The following DISP1 variants were observed in gnomAD, a reference collection of about 807,000 sequenced individuals.
DISP1 encodes the protein protein dispatched homolog 1.
Under a neutral mutation model 37.3 loss-of-function variants are expected in DISP1, and 30 were observed. The observed-to-expected ratio is 0.80, with a 90% CI of 0.60 to 1.09. The LOEUF (loss-of-function observed/expected upper bound fraction) is 1.09, where lower values mean the gene tolerates loss of function less well. DISP1 is among the 50% of genes least tolerant of loss of function. The pLI is 0.00. For missense variants in DISP1, 1,598 were observed against 1,879.5 expected (o/e 0.85, Z 2.77); for synonymous variants, 634 against 690.2 (o/e 0.92, Z 1.28).
intron 3 of DISP1, 183 bp downstream of exon 3, chr1:222,943,515 T>A (rs1455548386): frequency 1.7e-5 from 13 of 745,008 alleles, no homozygotes; most frequent in Non-Finnish European, 2.8e-5. Context: ...GTATATCGAT[T>A]TTATCCACTG....
chr1:222,951,470 C>CAGGGGTAAAA (rs71178515), intron 3 of DISP1, among the ~76,000 whole-genome samples: 1 of 152,170 alleles, frequency 6.6e-6, no homozygotes, highest in African/African-American at 2.4e-5. Flanking sequence ...CCATGACATC[C>CAGGGGTAAAA]TTTCCCCTCT....
chr1:222,840,075 A>G (rs1259530037), intron 1 of DISP1, among the ~76,000 whole-genome samples: 1 of 152,208 alleles, frequency 6.6e-6, no homozygotes, highest in Admixed American at 6.5e-5. Context: ...TGAATACTTT[A>G]TGTAATTTAT....
At chr1:222,940,977 GCTT>G (rs1310364852) in intron 2 of DISP1, among the ~76,000 whole-genome samples, 54 of 152,172 alleles carry the variant, frequency 3.5e-4, no homozygotes, top group African/African-American at 1.2e-3. Flanking sequence ...AACGTCCAGT[GCTT>G]CTTTAAATGT....
chr1:222,833,761 GTA>G (rs1267275638), intron 1 of DISP1, among the ~76,000 whole-genome samples: 1 of 152,168 alleles, frequency 6.6e-6, no homozygotes, highest in Non-Finnish European at 1.5e-5. Flanking sequence ...GAGACTTTTA[GTA>G]TAGTAGATTT....
intron 1 of DISP1, among the ~76,000 whole-genome samples, chr1:222,914,227 G>A (rs1481012539): frequency 5.3e-5 from 8 of 152,030 alleles, no homozygotes; most frequent in Admixed American, 5.2e-4. Flanking sequence ...TTCAAATATA[G>A]TACTTAAATC....
chr1:222,905,879 G>A (rs1482240609), intron 1 of DISP1, among the ~76,000 whole-genome samples: 2 of 146,156 alleles, frequency 1.4e-5, no homozygotes, highest in African/African-American at 4.9e-5. Context: ...AGGTCTTTGA[G>A]GATTTACTCA....
chr1:222,947,754 G>C (rs976568228), intron 3 of DISP1, among the ~76,000 whole-genome samples: 1 of 151,612 alleles, frequency 6.6e-6, no homozygotes, highest in Non-Finnish European at 1.5e-5. Context: ...ATTGATGTGA[G>C]ATTATAAATT....
rs760566329 is a variant in DISP1, at chr1:222,992,096, T to G, written c.875T>G (p.Phe292Cys). 1.9e-6 allele frequency: 3 copies of G among 1,613,482 alleles called. No homozygotes were observed. Among genetic ancestry groups the G allele is most frequent in the Non-Finnish European group, 2.5e-6 (3 of 1,179,428 alleles). Residue 292 changes from phenylalanine to cysteine, a missense_variant, in exon 7 of 9, where the codon TTC (phenylalanine) becomes TGC (cysteine). By Grantham distance (205) the Phe-to-Cys change is radical. Coordinates refer to ENST00000675850, the MANE Select transcript of DISP1 (RefSeq NM_001377229.1). ...VDWNFHKDSF[F>C]CDVPSDRYSR... The stretch of plus-strand genomic sequence containing the variant: ...TGGAACTTCCACAAGGACAGCTTTT[T>G]CTGCGACGTTCCAAGTGAGTGACAT...
At chr1:222,865,979 A>G (rs1021489930) in intron 1 of DISP1, among the ~76,000 whole-genome samples, 1 of 152,126 alleles carries the variant, frequency 6.6e-6, no homozygotes, top group Non-Finnish European at 1.5e-5. Context: ...GTACAGACAC[A>G]ATAACCCAGA....
At chr1:223,001,097 A>T (rs933801940) in intron 8 of DISP1, among the ~76,000 whole-genome samples, 1 of 152,166 alleles carries the variant, frequency 6.6e-6, no homozygotes, top group African/African-American at 2.4e-5. Flanking sequence ...TACAGGATGG[A>T]ATGGTTCAGA....
chr1:223,004,502 T>C lies in DISP1; in HGVS notation c.3105T>C (p.Asn1035=). The C allele has an allele frequency of 4.3e-6, 7 of 1,614,228 alleles. No homozygotes were observed. The highest frequency in any genetic ancestry group is 5.1e-6 in the Non-Finnish European group (6 of 1,180,038). ...TTGTCCTGCTGGGCTGGGAGCTCAA[T>C]GTGTTGGAATCTGTCACCATTTCGG... ...GSLVLLGWEL[N]VLESVTISVA... is the part of the protein sequence containing the mutation. The change falls in exon 9 of 9, where the codon AAT becomes AAC. Residue 1035 remains asparagine (N), a synonymous_variant. Transcript: ENST00000675850. The surrounding 1 kb of genome is among the most constrained non-coding windows in gnomAD (Gnocchi z 4.9).
At chr1:222,948,752 C>T (rs960438686) in intron 3 of DISP1, among the ~76,000 whole-genome samples, 5 of 152,150 alleles carry the variant, frequency 3.3e-5, no homozygotes, top group Non-Finnish European at 7.3e-5. Flanking sequence ...TAAACATTGA[C>T]CGCCTTAGAG....
At position 222,996,654 on chromosome 1, in the gene DISP1, C is replaced by T. The variant is rs572677144; in HGVS notation, c.987+1672C>T. On this transcript the variant is annotated intron_variant, in intron 8 of 8. Transcript: ENST00000675850. ...CTTTAATACATTATTTCATTTAATC[C>T]CAATGACAGTGTTGTGAATTAAATA... 2.4e-4 allele frequency among the ~76,000 whole-genome samples: 36 copies of T among 152,190 alleles called. No individual in the cohort carries two copies. The South Asian group carries it at 7.5e-3, about 32-fold the overall frequency.
intron 1 of DISP1, among the ~76,000 whole-genome samples, chr1:222,847,585 A>G (rs996178156): frequency 1.3e-5 from 2 of 152,080 alleles, no homozygotes; most frequent in African/African-American, 4.8e-5. Flanking sequence ...TCCAATTCCA[A>G]TCCAATCCAA....
At chr1:222,873,561 C>T (rs1344710148) in intron 1 of DISP1, among the ~76,000 whole-genome samples, 3 of 152,068 alleles carry the variant, frequency 2.0e-5, no homozygotes, top group South Asian at 4.1e-4. Context: ...TCTTTGTTGA[C>T]TTAATGTCTG....
In DISP1 at chr1:222,893,356, G is replaced by A. The variant is rs73128639; in HGVS notation, c.-158-35074G>A. Among the ~76,000 whole-genome samples, 2,673 of 152,256 alleles carry A rather than the reference G, an allele frequency of 0.018. 94 individuals are homozygous for A. Among genetic ancestry groups the A allele is most frequent in the African/African-American group, 0.06 (2,472 of 41,534 alleles). Reference sequence around the variant, plus strand: ...CCAACTGGAAACCTCTGTAGCTGGCGGAGCCTTCTTCCTGAGCACTGCTTG... The same window carrying A: ...CCAACTGGAAACCTCTGTAGCTGGCAGAGCCTTCTTCCTGAGCACTGCTTG... On this transcript the variant is annotated intron_variant, in intron 1 of 8. Transcript: ENST00000675850. This position sits in a 1 kb window ranked among gnomAD's most constrained non-coding sequence, Gnocchi z 4.3.
At chr1:222,864,337 A>G (rs530608359) in intron 1 of DISP1, among the ~76,000 whole-genome samples, 2 of 152,340 alleles carry the variant, frequency 1.3e-5, no homozygotes, top group East Asian at 3.9e-4. Context: ...TTATCTCAGT[A>G]TATATTCTCA....
Position 222,992,001 on chromosome 1 carries a change from G to C in DISP1, c.792-12G>C, listed in dbSNP as rs761557353. The C allele has an allele frequency of 1.2e-6, 2 of 1,600,580 alleles. No homozygotes were observed. Among genetic ancestry groups the C allele is most frequent in the South Asian group, 1.1e-5 (1 of 90,768 alleles). On this transcript the variant is annotated splice_polypyrimidine_tract_variant and intron_variant, in intron 6 of 8. Coordinates refer to ENST00000675850, the MANE Select transcript of DISP1 (RefSeq NM_001377229.1). ...GAACTTTATTGAAGATCAAATTGTC[G>C]TTCCATTTCAGCCATCGGGATGATA...
intron 1 of DISP1, among the ~76,000 whole-genome samples, chr1:222,910,026 C>G (rs529621454): frequency 6.6e-6 from 1 of 152,248 alleles, no homozygotes; most frequent in Admixed American, 6.5e-5. Context: ...GAAAAAGTTG[C>G]CTGCTGGTTC....
Sources: allele counts gnomAD v4.1 joint callset (sites outside exome capture counted in the v4.1 genomes callset), GRCh38; gene constraint gnomAD v4.1.1; non-coding constraint Gnocchi (gnomAD v3.1); transcripts MANE v1.5; gene names NCBI Gene and HGNC (gene_info 2026-07-23, HGNC 2026-07-21).